ZFPM1: variants seen among roughly 807,000 people sequenced by gnomAD.
The protein encoded by ZFPM1 is zinc finger protein, FOG family member 1, also known as zinc finger protein ZFPM1.
Under a neutral mutation model 46.3 loss-of-function variants are expected in ZFPM1, and 28 were observed. The ratio of observed to expected loss-of-function variants is 0.60; its 90% CI spans 0.45 to 0.83. The LOEUF (loss-of-function observed/expected upper bound fraction) is 0.83, where lower values mean the gene tolerates loss of function less well. Ranked by LOEUF, ZFPM1 falls within the 40% of genes least tolerant of loss-of-function variation. The pLI is 0.00. For missense variants in ZFPM1, 1,878 were observed against 1,432.4 expected (o/e 1.31, Z -5.02); for synonymous variants, 957 against 675.9 (o/e 1.42, Z -6.45).
chr16:88,478,722 G>A (rs1402299381), intron 1 of ZFPM1, among the ~76,000 whole-genome samples: 1 of 152,234 alleles, frequency 6.6e-6, no homozygotes, highest in Admixed American at 6.5e-5. Flanking sequence ...CCGCCAGAGG[G>A]ATGAGGAGGC....
rs563928909 is a variant in ZFPM1 at position 88,516,681 on chromosome 16, C to T, written c.402+2161C>T. ...TTGTCTAAATATTTTTGCGTCTCAG[C>T]GGGCCCCTGTCGCTCTTGGCTGATA... On this transcript the variant is annotated intron_variant, in intron 4 of 9. Coordinates refer to ENST00000319555, the MANE Select transcript of ZFPM1 (RefSeq NM_153813.3). The T allele has an allele frequency of 2.8e-5, 11 of 398,414 alleles. No homozygotes were observed. The South Asian group carries it at 1.4e-3, about 51-fold the overall frequency. The allele number at this position is 398,414 out of a possible 1,614,324, so 24.7% of individuals were successfully genotyped here.
At chr16:88,524,143 G>C (rs564350501) in intron 4 of ZFPM1, among the ~76,000 whole-genome samples, 2 of 152,350 alleles carry the variant, frequency 1.3e-5, no homozygotes, top group Non-Finnish European at 2.9e-5. Context: ...GCACCCATCG[G>C]AGGATCAAGC....
At chr16:88,531,904 G>C in intron 6 of ZFPM1, 98 bp from the exon 7 acceptor site, 9 of 1,208,530 alleles carry the variant, frequency 7.4e-6, no homozygotes, top group African/African-American at 6.1e-5. Context: ...GGGGAGGACG[G>C]TGGGGTCCGT....
Position 88,480,963 on chromosome 16 carries a change from C to A in ZFPM1, c.41-4976C>A, listed in dbSNP as rs1908909739. Among the ~76,000 whole-genome samples, 1 of 152,240 alleles carries A rather than the reference C, an allele frequency of 6.6e-6. No individual in the cohort carries two copies. Among genetic ancestry groups the A allele is most frequent in the Non-Finnish European group, 1.5e-5 (1 of 68,038 alleles). Reference sequence around the variant, plus strand: ...TTGGAAGGGAGCTGGGATCATCCCGCTGCACAGAGCCAGCTCCATAATTCA... The same window carrying A: ...TTGGAAGGGAGCTGGGATCATCCCGATGCACAGAGCCAGCTCCATAATTCA... On this transcript the variant is annotated intron_variant, in intron 1 of 9. Transcript: ENST00000319555. This position sits in a 1 kb window ranked among gnomAD's most constrained non-coding sequence, Gnocchi z 4.9.
Position 88,504,438 on chromosome 16 carries a change from G to C in ZFPM1, c.269-9949G>C, listed in dbSNP as rs1910541516. On this transcript the variant is annotated intron_variant, in intron 3 of 9. Transcript: ENST00000319555. ...CCTCTCCCCACTTCCCAGGCGGGAA[G>C]ACCAAGGCCCAGGACCCAGGGTGTT... is the stretch of plus-strand genomic sequence containing the variant. 2.0e-5 allele frequency among the ~76,000 whole-genome samples: 3 copies of C among 152,110 alleles called. No homozygotes were observed. In the South Asian group the frequency reaches 6.2e-4, roughly 32 times the overall value.
intron 6 of ZFPM1, among the ~76,000 whole-genome samples, chr16:88,529,456 T>TA (rs1555528751): frequency 1.3e-5 from 2 of 152,144 alleles, no homozygotes; most frequent in African/African-American, 4.8e-5. Context: ...GTGCAGCCAC[T>TA]GGGGGGATGT....
chr16:88,529,655 TGA>T (rs1912627398), intron 6 of ZFPM1, among the ~76,000 whole-genome samples: 1 of 152,034 alleles, frequency 6.6e-6, no homozygotes, highest in South Asian at 2.1e-4. Flanking sequence ...GAGAGTGAGC[TGA>T]GATAGGTTAG....
At chr16:88,520,673 ATGGG>A in intron 4 of ZFPM1, among the ~76,000 whole-genome samples, 1 of 77,242 alleles carries the variant, frequency 1.3e-5, no homozygotes, top group African/African-American at 5.4e-5. Flanking sequence ...GGGTGGGTGG[ATGGG>A]TGGATGGATG....
At chr16:88,496,603 G>T (rs1909943953) in intron 3 of ZFPM1, among the ~76,000 whole-genome samples, 1 of 151,850 alleles carries the variant, frequency 6.6e-6, no homozygotes, top group Non-Finnish European at 1.5e-5. Flanking sequence ...GGGGCTTCAG[G>T]CTGTGGAACA....
intron 3 of ZFPM1, among the ~76,000 whole-genome samples, chr16:88,492,595 G>T (rs749696686): frequency 1.3e-5 from 2 of 152,216 alleles, no homozygotes; most frequent in Non-Finnish European, 2.9e-5. Context: ...CGGACTCACA[G>T]GTATCCTGGG....
At chr16:88,515,814 C>T (rs1911261306) in intron 4 of ZFPM1, among the ~76,000 whole-genome samples, 2 of 152,340 alleles carry the variant, frequency 1.3e-5, no homozygotes, top group East Asian at 1.9e-4. Flanking sequence ...TTCTGTGGGG[C>T]GTGAGCTCCC....
upstream of ZFPM1, among the ~76,000 whole-genome samples, chr16:88,451,829 G>C (rs1907292741): frequency 6.6e-6 from 1 of 152,006 alleles, no homozygotes; most frequent in African/African-American, 2.4e-5. Flanking sequence ...TTGGCCTCCT[G>C]GTCTCAGTGT....
chr16:88,526,892 G>A lies in ZFPM1; in HGVS notation c.481G>A (p.Ala161Thr), dbSNP rs1275957398. 6.3e-7 allele frequency: 1 copy of A among 1,578,336 alleles called. No individual in the cohort carries two copies. Among genetic ancestry groups the A allele is most frequent in the South Asian group, 1.2e-5 (1 of 86,120 alleles). Residue 161 changes from alanine to threonine, a missense_variant, in exon 5 of 10, where the codon GCC becomes ACC. Transcript: ENST00000319555. ...GCCCCAGGCCCTGACTGAGGCCGAG[G>A]CCAACACAGAGATCCACAGGAAGGG... ...TLPQALTEAE[A>T]NTEIHRKDDA...
chr16:88,526,934 C>T lies in ZFPM1; in HGVS notation c.505+18C>T. On this transcript the variant is annotated intron_variant, in intron 5 of 9. Transcript: ENST00000319555. ...CAGGAAGGGTCAGTATGACGCGGCA[C>T]CTCCGTCCCAAGCCTTCCGGAAGGT... 1.3e-6 allele frequency: 2 copies of T among 1,552,106 alleles called. No individual in the cohort carries two copies. Among genetic ancestry groups the T allele is most frequent in the South Asian group, 2.4e-5 (2 of 84,122 alleles).
chr16:88,489,386 G>A (rs1909428520), intron 3 of ZFPM1: 6 of 548,098 alleles, frequency 1.1e-5, no homozygotes, highest in East Asian at 3.4e-5. Context: ...GAAGCGCTGG[G>A]GGGTTCCCTG....
chr16:88,524,244 G>A (rs947388986), intron 4 of ZFPM1, among the ~76,000 whole-genome samples: 24 of 152,138 alleles, frequency 1.6e-4, no homozygotes, highest in African/African-American at 5.8e-4. Context: ...CAGCAGCCTC[G>A]CCGAGCGCTG....
At chr16:88,508,541 C>T (rs1597261249) in intron 3 of ZFPM1, among the ~76,000 whole-genome samples, 1 of 152,212 alleles carries the variant, frequency 6.6e-6, no homozygotes, top group Non-Finnish European at 1.5e-5. Context: ...GGCACAGGCC[C>T]ATCCCGACGC....
chr16:88,534,335 G>A lies in ZFPM1; in HGVS notation c.2377G>A (p.Gly793Ser), dbSNP rs751533848. The change falls in exon 10 of 10, where the codon GGC becomes AGC. Residue 793 changes from glycine (G) to serine (S), a missense_variant. Physicochemically the swap from Gly to Ser is moderately conservative, Grantham distance 56. Transcript: ENST00000319555. ...PARSPGPAAD[G>S]PIDLSKKPRR... The stretch of plus-strand genomic sequence containing the variant: ...GCGCTCGCCCGGCCCCGCGGCCGAC[G>A]GCCCCATCGACCTGAGCAAGAAGCC... 35 of 1,365,560 alleles carry A rather than the reference G, an allele frequency of 2.6e-5. No individual in the cohort carries two copies. The highest frequency in any genetic ancestry group is 3.4e-5 in the Admixed American group (1 of 29,470). The allele number at this position is 1,365,560 out of a possible 1,614,324, so 84.6% of individuals were successfully genotyped here.
chr16:88,534,181 C>G lies in ZFPM1; in HGVS notation c.2223C>G (p.Arg741=). Residue 741 remains arginine (R), a synonymous_variant, in exon 10 of 10, where the codon CGC becomes CGG. Transcript: ENST00000319555. ...CTCCCGCCGCGCCTGTGCGCACGCG[C>G]AGACGCCGCAAGCTCTACGAGCTGC... The part of the protein sequence containing the change: ...APSPAAPVRT[R]RRRKLYELHA... 2.0e-6 allele frequency: 2 copies of G among 991,402 alleles called. No individual in the cohort carries two copies. The highest frequency in any genetic ancestry group is 2.4e-6 in the Non-Finnish European group (2 of 836,286). The allele number at this position is 991,402 out of a possible 1,614,324, so 61.4% of individuals were successfully genotyped here.
Sources: gnomAD v4.1 joint callset for allele counts (sites outside exome capture counted in the v4.1 genomes callset) on GRCh38, gnomAD v4.1.1 for gene constraint, Gnocchi (gnomAD v3.1) non-coding constraint, MANE v1.5 for transcripts, NCBI Gene and HGNC (gene_info 2026-07-23, HGNC 2026-07-21) for gene names.